The following PLAAT1 variants were observed in gnomAD, a reference collection of about 807,000 sequenced individuals.
PLAAT1 encodes the protein H-REV107 protein-related protein.
A neutral mutation model predicts 16.4 loss-of-function variants in PLAAT1; 13 were observed. The observed-to-expected ratio is 0.79, with a 90% CI of 0.52 to 1.26. PLAAT1 has a LOEUF of 1.26. PLAAT1 is among the 50% of genes most tolerant of loss of function. The pLI, the probability that PLAAT1 is intolerant of heterozygous loss-of-function variation, is 0.00. For synonymous variants in PLAAT1, 73 were observed against 78.4 expected (o/e 0.93, Z 0.36); for missense variants, 218 against 207.8 (o/e 1.05, Z -0.30).
downstream of PLAAT1, among the ~76,000 whole-genome samples, chr3:193,271,037 GA>G (rs1716968530): frequency 6.6e-6 from 1 of 152,194 alleles, no homozygotes; most frequent in Admixed American, 6.5e-5. Context: ...CCAGAGGCAT[GA>G]AAGACTATTT....
chr3:193,250,427 A>G (rs1456550865), intron 1 of PLAAT1, among the ~76,000 whole-genome samples: 1 of 151,996 alleles, frequency 6.6e-6, no homozygotes, highest in Non-Finnish European at 1.5e-5. Context: ...GGATGCTTAT[A>G]CTCTTGATAG....
At chr3:193,268,860 G>A (rs1716871242) in intron 3 of PLAAT1, among the ~76,000 whole-genome samples, 1 of 152,136 alleles carries the variant, frequency 6.6e-6, no homozygotes, top group Non-Finnish European at 1.5e-5. Flanking sequence ...TACCTAGTCA[G>A]TTAGGTCTGC....
downstream of PLAAT1, chr3:193,275,345 C>T: frequency 2.5e-6 from 4 of 1,596,616 alleles, no homozygotes; most frequent in Non-Finnish European, 3.4e-6. Flanking sequence ...TTGCGCAGGT[C>T]CCCCTGCAGC....
intron 1 of PLAAT1, 138 bp from the exon 2 acceptor site, chr3:193,255,513 C>T (rs183778280): frequency 2.6e-6 from 2 of 768,586 alleles, no homozygotes; most frequent in African/African-American, 3.6e-5. Context: ...AAGAAAAGGA[C>T]AGGGTCGTGA....
At chr3:193,272,830 A>AG (rs1324679733), downstream of PLAAT1, among the ~76,000 whole-genome samples, 1 of 152,230 alleles carries the variant, frequency 6.6e-6, no homozygotes, top group Non-Finnish European at 1.5e-5. Context: ...TCACAAAGCC[A>AG]TCAGTTTCCC....
upstream of PLAAT1, chr3:193,241,158 C>T (rs1326592859): frequency 3.4e-6 from 4 of 1,179,376 alleles, no homozygotes; most frequent in African/African-American, 1.6e-5. Flanking sequence ...GGGCTCGGGG[C>T]CAAGCGAGGT....
chr3:193,251,557 A>T (rs1389265156), intron 1 of PLAAT1, among the ~76,000 whole-genome samples: 1 of 152,104 alleles, frequency 6.6e-6, no homozygotes, highest in Non-Finnish European at 1.5e-5. Flanking sequence ...TGCCTTTTCC[A>T]TACTATTTTT....
chr3:193,250,221 C>T (rs1447981384), intron 1 of PLAAT1, among the ~76,000 whole-genome samples: 2 of 152,074 alleles, frequency 1.3e-5, no homozygotes, highest in Non-Finnish European at 2.9e-5. Context: ...TTCTTATTGT[C>T]CCCCACCGCC....
At chr3:193,247,212 T>TGAA (rs1381656367) in intron 1 of PLAAT1, among the ~76,000 whole-genome samples, 1 of 152,208 alleles carries the variant, frequency 6.6e-6, no homozygotes, top group East Asian at 1.9e-4. Context: ...TAGCTTGCTT[T>TGAA]AGGCAGACAG....
Position 193,241,302 on chromosome 3 carries a change from C to G in PLAAT1, c.-232C>G, listed in dbSNP as rs1715729299. 1 of 1,230,940 alleles carries G rather than the reference C, an allele frequency of 8.1e-7. No homozygotes were observed. The highest frequency in any genetic ancestry group is 1.0e-6 in the Non-Finnish European group (1 of 987,490). The allele number at this position is 1,230,940 out of a possible 1,614,324, so 76.3% of individuals were successfully genotyped here. A position where few individuals can be genotyped will look rare whatever the true frequency, so the allele number is the denominator to read the frequency against. ...CCCCCGGCGTGCGGGCGTCTCAGAG[C>G]CGCGGAGGGGCCGCCGGGACCGTTT... On this transcript the variant is annotated 5_prime_UTR_variant, in exon 1 of 4. Transcript: ENST00000264735.
At position 193,248,532 on chromosome 3, in the gene PLAAT1, T is replaced by G. The variant is rs568106654; in HGVS notation, c.-1+6999T>G. On this transcript the variant is annotated intron_variant, in intron 1 of 3. Transcript: ENST00000264735. ...GCTTCCTTTGCAATTTAATGATTTT[T>G]TGTAGTGGTATGCTTTGAATTCTTT... is the stretch of plus-strand genomic sequence containing the variant. Among the ~76,000 whole-genome samples the G allele has an allele frequency of 1.2e-3, 186 of 152,262 alleles. 2 individuals are homozygous for G. The highest frequency in any genetic ancestry group is 4.2e-3 in the African/African-American group (173 of 41,564).
At chr3:193,258,520 A>G (rs544591404) in intron 2 of PLAAT1, among the ~76,000 whole-genome samples, 1 of 152,240 alleles carries the variant, frequency 6.6e-6, no homozygotes, top group South Asian at 2.1e-4. Flanking sequence ...TAAATTAACA[A>G]AGGAAAAAAG....
intron 3 of PLAAT1, among the ~76,000 whole-genome samples, chr3:193,265,152 G>C (rs1716735171): frequency 6.6e-6 from 1 of 152,052 alleles, no homozygotes; most frequent in South Asian, 2.1e-4. Context: ...TGTAATCCTA[G>C]GTATATATCC....
At position 193,263,201 on chromosome 3, in the gene PLAAT1, C is replaced by T. The variant is rs373503937; in HGVS notation, c.371C>T (p.Thr124Ile). The T allele has an allele frequency of 6.2e-7, 1 of 1,614,172 alleles. No individual in the cohort carries two copies. Among genetic ancestry groups the T allele is most frequent in the Non-Finnish European group, 8.5e-7 (1 of 1,179,990 alleles). The change falls in exon 3 of 4, where the codon ACA becomes ATA. Residue 124 changes from threonine to isoleucine, a missense_variant. Transcript: ENST00000264735. ...LLVNNCEHFV[T>I]LLRYGEGVSE... ...GTCAACAACTGTGAACATTTTGTGA[C>T]ATTGCTTCGCTATGGAGAAGGAGTT...
chr3:193,267,933 C>T (rs1577312054), intron 3 of PLAAT1, among the ~76,000 whole-genome samples: 3 of 152,234 alleles, frequency 2.0e-5, no homozygotes, highest in Admixed American at 2.0e-4. Context: ...TTTGCAGTTG[C>T]CTAGTTACAT....
At position 193,241,256 on chromosome 3, in the gene PLAAT1, C is replaced by A; in HGVS notation, c.-278C>A. The A allele has an allele frequency of 8.1e-7, 1 of 1,227,888 alleles. No individual in the cohort carries two copies. Among genetic ancestry groups the A allele is most frequent in the Non-Finnish European group, 1.0e-6 (1 of 985,488 alleles). 76.1% of individuals were successfully genotyped at this position (1,227,888 alleles called of 1,614,324 possible). A position where few individuals can be genotyped will look rare whatever the true frequency, so the allele number is the denominator to read the frequency against. ...TCGTGCCGGCTCGGCAGCGCCCGGA[C>A]GCCGAGCCCAGCGCGTCGGCCCCCC... is the stretch of plus-strand genomic sequence containing the variant. On this transcript the variant is annotated 5_prime_UTR_variant, in exon 1 of 4. Transcript: ENST00000264735.
intron 1 of PLAAT1, among the ~76,000 whole-genome samples, chr3:193,248,384 G>C (rs545852084): frequency 6.6e-6 from 1 of 151,760 alleles, no homozygotes; most frequent in African/African-American, 2.4e-5. Flanking sequence ...AATATGTTTT[G>C]ACTGGAGAAT....
chr3:193,264,777 C>T (rs1229285193), intron 3 of PLAAT1, among the ~76,000 whole-genome samples: 3 of 152,136 alleles, frequency 2.0e-5, no homozygotes, highest in Non-Finnish European at 2.9e-5. Flanking sequence ...CCTCCCACAG[C>T]GCTGGGATTA....
chr3:193,274,952 A>C, downstream of PLAAT1: 1 of 1,505,878 alleles, frequency 6.6e-7, no homozygotes, highest in Non-Finnish European at 9.0e-7. Context: ...GAGAGAGGAA[A>C]GGTAAGGGGA....
Sources: allele counts gnomAD v4.1 joint callset (sites outside exome capture counted in the v4.1 genomes callset), GRCh38; gene constraint gnomAD v4.1.1; transcripts MANE v1.5; gene names NCBI Gene and HGNC (gene_info 2026-07-23, HGNC 2026-07-21).